The following STIL variants were observed in gnomAD, a reference collection of about 807,000 sequenced individuals.
STIL encodes STIL centriolar assembly protein.
In STIL, 55 loss-of-function variants were observed where a neutral mutation model predicts 110.1. The ratio of observed to expected loss-of-function variants is 0.50; its 90% confidence interval spans 0.40 to 0.63. The LOEUF is 0.63. Ranked by LOEUF, STIL falls within the 20% of genes least tolerant of loss-of-function variation. The pLI is 0.00. For synonymous variants in STIL, 481 were observed against 530.0 expected (o/e 0.91, Z 1.27); for missense variants, 1,358 against 1,530.0 (o/e 0.89, Z 1.87).
At chr1:47,299,796 C>T (rs749924985) in intron 6 of STIL, 109 bp downstream of exon 6, 377 of 1,154,984 alleles carry the variant, frequency 3.3e-4, no homozygotes, top group Non-Finnish European at 4.4e-4. Context: ...TTAACCAAGC[C>T]ACCATATCTC....
Position 47,263,225 on chromosome 1 carries a change from T to G in STIL, c.2616-109A>C, listed in dbSNP as rs188812583. The G allele has an allele frequency of 3.3e-3, 3,400 of 1,027,634 alleles. 9 individuals carry two copies. The highest frequency in any genetic ancestry group is 4.2e-3 in the Non-Finnish European group (2,879 of 680,238). The allele number at this position is 1,027,634 out of a possible 1,614,324, so 63.7% of individuals were successfully genotyped here. ...GACTCAAGCAGCACCTGGTTGTATT[T>G]TTAGCTCTTAGTGATGATGCTACAT... On this transcript the variant is annotated intron_variant, in intron 14 of 16. Transcript: ENST00000371877.
In STIL at chr1:47,280,748, T is replaced by C. The variant is rs1645134362; in HGVS notation, c.1710A>G (p.Gln570=). 1.9e-6 allele frequency: 3 copies of C among 1,613,884 alleles called. No homozygotes were observed. The highest frequency in any genetic ancestry group is 1.3e-5 in the African/African-American group (1 of 74,888). ...GGGGTGAAAAAACAAAATCGTGTGG[T>C]TGGGACTGCGGGGCAAGAGAAGACT... The part of the protein sequence containing the change: ...SRQSSLAPQS[Q]PHDFVFSPHN... Residue 570 remains glutamine, a synonymous_variant, in exon 12 of 17, where the codon CAA becomes CAG. Transcript: ENST00000371877.
chr1:47,293,916 C>T (rs1208568918), intron 7 of STIL, among the ~76,000 whole-genome samples: 3 of 152,144 alleles, frequency 2.0e-5, no homozygotes, highest in African/African-American at 4.8e-5. Flanking sequence ...TAAGGTAGTA[C>T]AGACTAATTT....
In STIL at chr1:47,272,219, T is replaced by C. The variant is rs763062774; in HGVS notation, c.2240A>G (p.Gln747Arg). The part of the protein sequence containing the change: ...QAQIQRLLEA[Q>R]SLMPCSPKTT... Reference sequence around the variant, plus strand: ...CTTAGGGGAACAGGGCATCAGAGACTGTGCTTCCAACAAACGCTGAATCTG... The same window carrying C: ...CTTAGGGGAACAGGGCATCAGAGACCGTGCTTCCAACAAACGCTGAATCTG... Residue 747 changes from glutamine to arginine, a missense_variant, in exon 13 of 17, where the codon CAG becomes CGG. Coordinates refer to ENST00000371877, the MANE Select transcript of STIL (RefSeq NM_001048166.1). 18 of 1,614,090 alleles carry C rather than the reference T, an allele frequency of 1.1e-5. No individual in the cohort carries two copies. The highest frequency in any genetic ancestry group is 1.4e-5 in the Non-Finnish European group (17 of 1,180,036).
chr1:47,254,529 G>T (rs866094286), intron 16 of STIL, among the ~76,000 whole-genome samples: 36 of 149,148 alleles, frequency 2.4e-4, no homozygotes, highest in Non-Finnish European at 3.4e-4. Context: ...TCTAATTTGG[G>T]TTTTTTTTTT....
intron 15 of STIL, among the ~76,000 whole-genome samples, chr1:47,262,465 G>C (rs1268041719): frequency 6.6e-6 from 1 of 152,136 alleles, no homozygotes; most frequent in Non-Finnish European, 1.5e-5. Context: ...AGGGCACAGA[G>C]TGTCATATTC....
chr1:47,262,422 T>G (rs1570044153), intron 15 of STIL, among the ~76,000 whole-genome samples: 1 of 152,216 alleles, frequency 6.6e-6, no homozygotes, highest in Non-Finnish European at 1.5e-5. Flanking sequence ...TTGTTACTAG[T>G]CTGCATGTGC....
intron 14 of STIL, among the ~76,000 whole-genome samples, chr1:47,265,036 G>A (rs1335815755): frequency 6.6e-6 from 1 of 150,412 alleles, no homozygotes; most frequent in Non-Finnish European, 1.5e-5. Flanking sequence ...AGGAGTTCGA[G>A]ACCAGCCTGG....
In STIL at chr1:47,280,558, A is replaced by C. The variant is rs1439412659; in HGVS notation, c.1900T>G (p.Ser634Ala). The change falls in exon 12 of 17, where the codon TCT (serine) becomes GCT (alanine). Residue 634 changes from serine to alanine, a missense_variant. Transcript: ENST00000371877. The stretch of plus-strand genomic sequence containing the variant: ...AATGAATGCTTTTGAAGGGCTTCAG[A>C]CTGGACATCTTGAATGGATCCAACT... ...NTVGSIQDVQ[S>A]EALQKHSLFH... is the part of the protein sequence containing the mutation. 9 of 1,614,160 alleles carry C rather than the reference A, an allele frequency of 5.6e-6. No individual in the cohort carries two copies. The highest frequency in any genetic ancestry group is 7.6e-6 in the Non-Finnish European group (9 of 1,180,062).
intron 16 of STIL, among the ~76,000 whole-genome samples, chr1:47,256,863 G>A (rs183341901): frequency 6.3e-4 from 96 of 151,932 alleles, no homozygotes; most frequent in African/African-American, 2.1e-3. Flanking sequence ...GCATGGTGGC[G>A]CATGCCTGTA....
At chr1:47,260,024 A>C (rs1644437663) in intron 16 of STIL, among the ~76,000 whole-genome samples, 1 of 152,230 alleles carries the variant, frequency 6.6e-6, no homozygotes, top group African/African-American at 2.4e-5. Context: ...CTATCCAGCC[A>C]GGAGTCATCC....
In STIL at chr1:47,302,269, G is replaced by A; in HGVS notation, c.230C>T (p.Ser77Leu). 1 of 1,613,944 alleles carries A rather than the reference G, an allele frequency of 6.2e-7. No individual in the cohort carries two copies. The highest frequency in any genetic ancestry group is 8.5e-7 in the Non-Finnish European group (1 of 1,179,916). The change falls in exon 4 of 17, where the codon TCA (serine) becomes TTA (leucine). Residue 77 changes from serine (S) to leucine (L), a missense_variant. Physicochemically the swap from Ser to Leu is moderately radical, Grantham distance 145. Coordinates refer to ENST00000371877, the MANE Select transcript of STIL (RefSeq NM_001048166.1). ...RHAKQNKKNSSCFLLGSLTAD... is the reference protein window; with the variant it reads ...RHAKQNKKNSLCFLLGSLTAD... ...TGTCAGAGAACCAAGTAAAAAGCAT[G>A]ACGAATTTTTTTTATTCTGCTTAGC...
chr1:47,313,912 G>A (rs1646213427), intron 1 of STIL, 124 bp downstream of exon 1: 1 of 152,306 alleles, frequency 6.6e-6, no homozygotes, highest in African/African-American at 2.4e-5. Flanking sequence ...TCCCCTTCTC[G>A]TCATCTGCTC....
At chr1:47,269,603 T>G (rs769900997) in intron 14 of STIL, 32 bp downstream of exon 14, 15 of 1,598,762 alleles carry the variant, frequency 9.4e-6, no homozygotes, top group Non-Finnish European at 1.2e-5. Context: ...TTTTTGAAAG[T>G]AGGATGAAAG....
intron 2 of STIL, among the ~76,000 whole-genome samples, chr1:47,308,001 AC>A (rs899250308): frequency 1.3e-5 from 2 of 151,946 alleles, no homozygotes; most frequent in Non-Finnish European, 2.9e-5. Context: ...TGATCTGAAA[AC>A]CCTGTCTCCT....
rs1173455309 is a variant in STIL at position 47,258,987 on chromosome 1, CTT to C, written c.3080+1300_3080+1301del. ...CAAAAGAAATGGTTAAGAGAAGTAA[CTT>C]TGCTTTTTTTTTTTTTTGAGACAGT... On this transcript the variant is annotated intron_variant, in intron 16 of 16. Transcript: ENST00000371877. Among the ~76,000 whole-genome samples, 6 of 45,454 alleles carry C rather than the reference CTT, an allele frequency of 1.3e-4. 1 individual carries two copies. The highest frequency in any genetic ancestry group is 2.4e-4 in the Non-Finnish European group (5 of 21,008). The allele number at this position is 45,454 out of a possible 152,430, so 29.8% of individuals were successfully genotyped here.
chr1:47,290,531 C>A (rs1466655542), intron 8 of STIL, among the ~76,000 whole-genome samples: 1 of 152,008 alleles, frequency 6.6e-6, no homozygotes, highest in East Asian at 1.9e-4. Context: ...CAGTGAAACC[C>A]TGTCTACTAA....
chr1:47,313,124 GACCA>G (rs1646183958), intron 1 of STIL: 2 of 152,150 alleles, frequency 1.3e-5, no homozygotes, highest in Admixed American at 1.3e-4. Context: ...AGGATTTCCA[GACCA>G]GCCCGACCAA....
chr1:47,296,960 G>A (rs1411790739), intron 6 of STIL, among the ~76,000 whole-genome samples: 1 of 152,202 alleles, frequency 6.6e-6, no homozygotes, highest in Non-Finnish European at 1.5e-5. Flanking sequence ...CTGAGTTGGC[G>A]TAAGATTTAC....
Sources: allele counts gnomAD v4.1 joint callset (sites outside exome capture counted in the v4.1 genomes callset), GRCh38; gene constraint gnomAD v4.1.1; transcripts MANE v1.5; gene names NCBI Gene and HGNC (gene_info 2026-07-23, HGNC 2026-07-21).